The following ADGRB3 variants were observed in gnomAD, a reference collection of about 807,000 sequenced individuals.
ADGRB3 encodes the protein brain-specific angiogenesis inhibitor 3.
ADGRB3 carries 37 observed loss-of-function variants against 193.4 expected under a neutral mutation model. That is an observed-to-expected ratio of 0.19 (90% CI 0.15 to 0.25). ADGRB3 has a LOEUF of 0.25. Ranked by LOEUF, ADGRB3 falls within the 10% of genes least tolerant of loss-of-function variation. The probability of loss-of-function intolerance (pLI) is 1.00; values close to 1 mark genes in which losing one functional copy is unlikely to be tolerated. For missense variants in ADGRB3, 1,637 were observed against 1,852.9 expected (o/e 0.88, Z 2.14); for synonymous variants, 690 against 644.2 (o/e 1.07, Z -1.08).
At position 68,955,952 on chromosome 6, in the gene ADGRB3, T is replaced by C; in HGVS notation, c.1196-72T>C. On this transcript the variant is annotated intron_variant, in intron 6 of 31. Coordinates refer to ENST00000370598, the MANE Select transcript of ADGRB3 (RefSeq NM_001704.3). The stretch of plus-strand genomic sequence containing the variant: ...TGGGGTTCATCTTCAAGGGTGGTTT[T>C]ACCAGGTACTTTCTGTACAGCTTGT... 7 of 1,516,092 alleles carry C rather than the reference T, an allele frequency of 4.6e-6. No individual in the cohort carries two copies. In the South Asian group the frequency reaches 9.1e-5, roughly 20 times the overall value. 93.9% of individuals were successfully genotyped at this position (1,516,092 alleles called of 1,614,324 possible).
chr6:69,335,660 A>G (rs1768829529), intron 24 of ADGRB3, among the ~76,000 whole-genome samples: 3 of 152,122 alleles, frequency 2.0e-5, no homozygotes, highest in Admixed American at 6.6e-5. Flanking sequence ...ACAGTGAAGA[A>G]CAGTCCCCAG....
chr6:68,932,742 A>G (rs1767375562), intron 4 of ADGRB3, among the ~76,000 whole-genome samples: 1 of 151,794 alleles, frequency 6.6e-6, no homozygotes, highest in Non-Finnish European at 1.5e-5. Flanking sequence ...TAACATATAA[A>G]TAATATAAAA....
chr6:68,805,074 T>G (rs1014262509), intron 3 of ADGRB3, among the ~76,000 whole-genome samples: 4 of 152,008 alleles, frequency 2.6e-5, no homozygotes, highest in African/African-American at 9.7e-5. Context: ...ACAACAGACA[T>G]GCACCATCAT....
intron 31 of ADGRB3, 52 bp from the exon 32 acceptor site, chr6:69,388,651 C>T (rs560984701): frequency 1.1e-5 from 16 of 1,522,372 alleles, no homozygotes; most frequent in East Asian, 2.3e-5. Context: ...CTTCAACTAG[C>T]GGTGATCCTG....
At chr6:69,300,124 A>G (rs549244395) in intron 20 of ADGRB3, among the ~76,000 whole-genome samples, 1 of 151,920 alleles carries the variant, frequency 6.6e-6, no homozygotes, top group Non-Finnish European at 1.5e-5. Flanking sequence ...ATTCATCACA[A>G]TCAAGTGAGA....
chr6:68,809,654 C>A (rs928543847), intron 3 of ADGRB3, among the ~76,000 whole-genome samples: 2 of 152,064 alleles, frequency 1.3e-5, no homozygotes, highest in Admixed American at 1.3e-4. Context: ...TTCACAATCC[C>A]CAAGGTCAAG....
At chr6:69,329,469 C>T (rs1768662062) in intron 22 of ADGRB3, among the ~76,000 whole-genome samples, 1 of 152,062 alleles carries the variant, frequency 6.6e-6, no homozygotes, top group African/African-American at 2.4e-5. Context: ...ATATAATTTA[C>T]ATAGAGTAGC....
Position 68,943,655 on chromosome 6 carries a change from C to T in ADGRB3, c.1031-175C>T, listed in dbSNP as rs534658845. 8.8e-4 allele frequency among the ~76,000 whole-genome samples: 134 copies of T among 152,096 alleles called. 2 individuals are homozygous for T. The South Asian group carries it at 0.016, about 19-fold the overall frequency. The stretch of plus-strand genomic sequence containing the variant: ...CACATGCAATTTTTCATTATTTTAA[C>T]GAATTTTTAAATTAATAATTGTATT... On this transcript the variant is annotated intron_variant, in intron 5 of 31. Transcript: ENST00000370598.
intron 3 of ADGRB3, among the ~76,000 whole-genome samples, chr6:68,671,840 G>T (rs1035980372): frequency 6.6e-6 from 1 of 151,966 alleles, no homozygotes. Context: ...AGTAGGATTG[G>T]TATTAGGTCT....
chr6:69,170,392 C>T (rs538721677), intron 17 of ADGRB3, among the ~76,000 whole-genome samples: 2 of 152,248 alleles, frequency 1.3e-5, no homozygotes, highest in East Asian at 3.9e-4. Flanking sequence ...ACTTTCAAAG[C>T]TTTCTTGGCC....
At chr6:69,001,970 A>G (rs1327432823) in intron 11 of ADGRB3, among the ~76,000 whole-genome samples, 1 of 152,204 alleles carries the variant, frequency 6.6e-6, no homozygotes, top group Non-Finnish European at 1.5e-5. Flanking sequence ...TTATTTCATT[A>G]AGAAAAATTA....
intron 3 of ADGRB3, among the ~76,000 whole-genome samples, chr6:68,691,032 G>C (rs1582126463): frequency 6.6e-6 from 1 of 151,918 alleles, no homozygotes; most frequent in East Asian, 1.9e-4. Flanking sequence ...ACACATATTA[G>C]GAAATTGATG....
At chr6:68,904,667 A>C (rs1391025489) in intron 3 of ADGRB3, among the ~76,000 whole-genome samples, 2 of 152,204 alleles carry the variant, frequency 1.3e-5, no homozygotes. Context: ...TAATCCATTT[A>C]AAAGGTTTTA....
In ADGRB3 at chr6:69,014,477, C is replaced by T. The variant is rs533838376; in HGVS notation, c.1998+371C>T. ...CTAGTAAAACCATTTGCATTTACTA[C>T]AATGCTACATATAATATGGATCACA... On this transcript the variant is annotated intron_variant, in intron 12 of 31. Coordinates refer to ENST00000370598, the MANE Select transcript of ADGRB3 (RefSeq NM_001704.3). 5.3e-5 allele frequency among the ~76,000 whole-genome samples: 8 copies of T among 151,866 alleles called. No individual in the cohort carries two copies. The South Asian group carries it at 1.5e-3, about 28-fold the overall frequency.
chr6:68,981,860 ATT>A (rs1768922161), intron 10 of ADGRB3, among the ~76,000 whole-genome samples: 1 of 138,560 alleles, frequency 7.2e-6, no homozygotes, highest in East Asian at 2.0e-4. Flanking sequence ...TTATTTATTT[ATT>A]TATTTATTTA....
rs537901350 is a variant in ADGRB3, at chr6:68,806,004, G to A, written c.758-124555G>A. On this transcript the variant is annotated intron_variant, in intron 3 of 31. Coordinates refer to ENST00000370598, the MANE Select transcript of ADGRB3 (RefSeq NM_001704.3). The stretch of plus-strand genomic sequence containing the variant: ...CATAACATACCATGTGATTGCACTT[G>A]TTAACTTTTAATCTGAATACTGTGG... Among the ~76,000 whole-genome samples the A allele has an allele frequency of 9.9e-5, 15 of 152,272 alleles. No homozygotes were observed. In the South Asian group the frequency reaches 1.0e-3, roughly 11 times the overall value.
At chr6:68,910,815 A>C (rs1186752431) in intron 3 of ADGRB3, among the ~76,000 whole-genome samples, 2 of 152,124 alleles carry the variant, frequency 1.3e-5, no homozygotes, top group Non-Finnish European at 2.9e-5. Context: ...GTAGCCTTGT[A>C]GTATAGTTTG....
chr6:69,029,723 T>A (rs187483082), intron 13 of ADGRB3, among the ~76,000 whole-genome samples: 10 of 152,216 alleles, frequency 6.6e-5, no homozygotes, highest in Admixed American at 5.9e-4. Flanking sequence ...TAGTATATCT[T>A]TCTATACTGG....
intron 17 of ADGRB3, among the ~76,000 whole-genome samples, chr6:69,134,019 C>T (rs1774083990): frequency 6.6e-6 from 1 of 152,062 alleles, no homozygotes; most frequent in Non-Finnish European, 1.5e-5. Flanking sequence ...CATTATTTTG[C>T]TGCTTTTTAT....
Sources: allele counts gnomAD v4.1 joint callset (sites outside exome capture counted in the v4.1 genomes callset), GRCh38; gene constraint gnomAD v4.1.1; transcripts MANE v1.5; gene names NCBI Gene and HGNC (gene_info 2026-07-23, HGNC 2026-07-21).